The following SGPP2 variants were observed in gnomAD, a reference collection of about 807,000 sequenced individuals.
SGPP2 encodes sphingosine 1-phosphate phosphohydrolase 2.
A neutral mutation model predicts 33.9 loss-of-function variants in SGPP2; 30 were observed. The ratio of observed to expected loss-of-function variants is 0.89; its 90% CI spans 0.66 to 1.20. SGPP2 has a LOEUF of 1.20. Among genes scored for constraint, SGPP2 ranks in the 50% most tolerant of loss-of-function variants. SGPP2 has a pLI of 0.00. For missense variants in SGPP2, 458 were observed against 532.1 expected, an observed-to-expected ratio of 0.86 and a Z score of 1.37; for synonymous variants, 233 against 225.0, an observed-to-expected ratio of 1.04 and a Z score of -0.32.
intron 1 of SGPP2, among the ~76,000 whole-genome samples, chr2:222,471,502 C>T (rs774234179): frequency 3.3e-5 from 5 of 151,684 alleles, no homozygotes; most frequent in Non-Finnish European, 7.4e-5. Context: ...AAAATTTATT[C>T]CCCCAAATTG....
At chr2:222,453,194 A>C in intron 1 of SGPP2, 1 of 778,028 alleles carries the variant, frequency 1.3e-6, no homozygotes, top group Non-Finnish European at 2.4e-6. Flanking sequence ...GCAAGGATGG[A>C]TAGTTTCTTC....
chr2:222,495,668 T>G (rs1026636265), intron 2 of SGPP2, among the ~76,000 whole-genome samples: 2 of 152,168 alleles, frequency 1.3e-5, no homozygotes, highest in African/African-American at 4.8e-5. Context: ...ACCTTCTCCC[T>G]GTGGCTCAGA....
chr2:222,509,943 G>A (rs1698501072), intron 2 of SGPP2, among the ~76,000 whole-genome samples: 1 of 152,160 alleles, frequency 6.6e-6, no homozygotes, highest in African/African-American at 2.4e-5. Flanking sequence ...TATCTCTATG[G>A]ATTTGCCTCT....
chr2:222,533,714 A>G (rs1229883053), intron 4 of SGPP2, among the ~76,000 whole-genome samples: 1 of 152,060 alleles, frequency 6.6e-6, no homozygotes, highest in Non-Finnish European at 1.5e-5. Context: ...ACTCTTACCC[A>G]AGCTTATCTC....
intron 1 of SGPP2, among the ~76,000 whole-genome samples, chr2:222,429,032 T>G (rs968979461): frequency 6.6e-6 from 1 of 152,150 alleles, no homozygotes; most frequent in African/African-American, 2.4e-5. Flanking sequence ...CCTTAGGTGA[T>G]GTGCCTGCCT....
Position 222,559,159 on chromosome 2 carries a change from G to GCCACCCCCCC in SGPP2, c.*262_*263insCACCCCCCCC, listed in dbSNP as rs1306968136. On this transcript the variant is annotated 3_prime_UTR_variant, in exon 5 of 5. Transcript: ENST00000321276. ...ATCCGGATCTTTAAAGGCACACACC[G>GCCACCCCCCC]CGCCCCCCCCCCCCCCGCCCGGCCC... The GCCACCCCCCC allele has an allele frequency of 3.9e-5, 1 of 25,546 alleles. No individual in the cohort carries two copies. The highest frequency in any genetic ancestry group is 2.5e-4 in the African/African-American group (1 of 3,936). 1.6% of individuals were successfully genotyped at this position (25,546 alleles called of 1,614,324 possible). A position where few individuals can be genotyped will look rare whatever the true frequency, so the allele number is the denominator to read the frequency against.
At chr2:222,520,530 A>AGACCAGCTT (rs1426176328) in intron 2 of SGPP2, among the ~76,000 whole-genome samples, 3 of 152,120 alleles carry the variant, frequency 2.0e-5, no homozygotes, top group African/African-American at 7.2e-5. Context: ...CAGGAGTTCA[A>AGACCAGCTT]GACCAGCTTG....
At chr2:222,471,846 G>T (rs187767078) in intron 1 of SGPP2, among the ~76,000 whole-genome samples, 71 of 152,056 alleles carry the variant, frequency 4.7e-4, no homozygotes, top group Non-Finnish European at 8.1e-4. Context: ...CCTTAAGTAG[G>T]ATTAAAATTA....
chr2:222,477,583 G>T lies in SGPP2; in HGVS notation c.378+2857G>T, dbSNP rs1239582288. Among the ~76,000 whole-genome samples, 1 of 151,942 alleles carries T rather than the reference G, an allele frequency of 6.6e-6. No homozygotes were observed. Among genetic ancestry groups the T allele is most frequent in the African/African-American group, 2.4e-5 (1 of 41,326 alleles). On this transcript the variant is annotated intron_variant, in intron 2 of 4. Transcript: ENST00000321276. This position sits in a 1 kb window ranked among gnomAD's most constrained non-coding sequence, Gnocchi z 6.0. ...TATGTGTGAGTGTATGTATATAGGT[G>T]TGTGTATATATATGTGTGTGTGTGT...
chr2:222,549,073 C>T (rs1030128136), intron 4 of SGPP2, among the ~76,000 whole-genome samples: 1 of 152,214 alleles, frequency 6.6e-6, no homozygotes, highest in African/African-American at 2.4e-5. Flanking sequence ...TTACTCTGCT[C>T]CTGGCTTCAG....
intron 2 of SGPP2, among the ~76,000 whole-genome samples, chr2:222,512,004 T>TTTTATTTATTTATTTA (rs34621381): frequency 3.6e-4 from 53 of 147,784 alleles, no homozygotes; most frequent in African/African-American, 1.3e-3. Context: ...TAAAATAAAC[T>TTTTATTTATTTATTTA]TTTATTTATT....
chr2:222,510,237 A>C (rs1264868474), intron 2 of SGPP2, among the ~76,000 whole-genome samples: 1 of 152,194 alleles, frequency 6.6e-6, no homozygotes, highest in Admixed American at 6.5e-5. Context: ...TTAGGGATAC[A>C]CCTAGGAGTG....
chr2:222,499,265 T>G (rs1255585989), intron 2 of SGPP2, among the ~76,000 whole-genome samples: 1 of 152,154 alleles, frequency 6.6e-6, no homozygotes, highest in African/African-American at 2.4e-5. Flanking sequence ...ATGGGGAGGT[T>G]ATGTGAAGGT....
intron 1 of SGPP2, among the ~76,000 whole-genome samples, chr2:222,456,538 G>A (rs546335967): frequency 3.0e-4 from 45 of 152,234 alleles, no homozygotes; most frequent in Middle Eastern, 3.4e-3. Flanking sequence ...CTACCTCCCC[G>A]GTGTCTAAAA....
At chr2:222,538,292 T>C (rs570526646) in intron 4 of SGPP2, among the ~76,000 whole-genome samples, 5 of 152,278 alleles carry the variant, frequency 3.3e-5, no homozygotes, top group African/African-American at 1.2e-4. Context: ...AGAGTAACTT[T>C]TAGTGTATAT....
intron 1 of SGPP2, among the ~76,000 whole-genome samples, chr2:222,449,254 G>A (rs1300803111): frequency 2.0e-5 from 3 of 152,172 alleles, no homozygotes; most frequent in Non-Finnish European, 4.4e-5. Flanking sequence ...AGAGCTCACA[G>A]TTAACTGGTC....
chr2:222,524,551 G>A (rs1237927002), intron 3 of SGPP2, among the ~76,000 whole-genome samples: 1 of 152,196 alleles, frequency 6.6e-6, no homozygotes, highest in Non-Finnish European at 1.5e-5. Context: ...TTATAGCCCT[G>A]GCTATCTATC....
At chr2:222,437,187 A>G (rs1273830572) in intron 1 of SGPP2, among the ~76,000 whole-genome samples, 1 of 152,136 alleles carries the variant, frequency 6.6e-6, no homozygotes, top group African/African-American at 2.4e-5. Flanking sequence ...CTCTTCCCCA[A>G]ATGTCTTTGT....
chr2:222,441,523 T>C (rs910666306), intron 1 of SGPP2, among the ~76,000 whole-genome samples: 2 of 152,196 alleles, frequency 1.3e-5, no homozygotes, highest in African/African-American at 4.8e-5. Flanking sequence ...AATGTACACA[T>C]TTTAAAACTG....
Sources: gnomAD v4.1 joint callset for allele counts (sites outside exome capture counted in the v4.1 genomes callset) on GRCh38, gnomAD v4.1.1 for gene constraint, Gnocchi (gnomAD v3.1) non-coding constraint, MANE v1.5 for transcripts, NCBI Gene and HGNC (gene_info 2026-07-23, HGNC 2026-07-21) for gene names.